ZBTB38: variants seen among roughly 807,000 people sequenced by gnomAD.
The protein encoded by ZBTB38 is zinc finger and BTB domain-containing protein 38.
ZBTB38 carries 20 observed loss-of-function variants against 76.8 expected under a neutral mutation model. The observed-to-expected ratio is 0.26, with a 90% CI of 0.18 to 0.38. The LOEUF is 0.38. Among genes scored for constraint, ZBTB38 ranks in the 10% least tolerant of loss-of-function variants. The probability of loss-of-function intolerance (pLI) is 1.00; values close to 1 mark genes in which losing one functional copy is unlikely to be tolerated. For missense variants in ZBTB38, 1,082 were observed against 1,482.3 expected, an observed-to-expected ratio of 0.73 and a Z score of 4.43; for synonymous variants, 504 against 544.2, an observed-to-expected ratio of 0.93 and a Z score of 1.03.
At chr3:141,428,519 C>G (rs7638775) in intron 5 of ZBTB38, among the ~76,000 whole-genome samples, 11,942 of 152,054 alleles carry the variant, frequency 0.079, 1,577 homozygotes, top group African/African-American at 0.27. Context: ...GAGTTTTGCT[C>G]TGTTGTCGCC....
intron 2 of ZBTB38, among the ~76,000 whole-genome samples, chr3:141,378,185 C>CAA (rs10662147): frequency 0.35 from 47,688 of 135,458 alleles, 8,540 homozygotes; most frequent in African/African-American, 0.43. Context: ...TCTCAACAAG[C>CAA]AAAAAAAAAA....
At chr3:141,372,925 A>G (rs1243628493) in intron 2 of ZBTB38, among the ~76,000 whole-genome samples, 1 of 152,224 alleles carries the variant, frequency 6.6e-6, no homozygotes, top group East Asian at 1.9e-4. Flanking sequence ...AGCACTAAGT[A>G]TGCAGTAGTT....
intron 1 of ZBTB38, among the ~76,000 whole-genome samples, chr3:141,343,580 T>A (rs1261230353): frequency 6.6e-6 from 1 of 152,192 alleles, no homozygotes; most frequent in Non-Finnish European, 1.5e-5. Flanking sequence ...AGGAGCTTTG[T>A]TTCCTGATCT....
chr3:141,394,966 A>C (rs1489641027), intron 4 of ZBTB38, among the ~76,000 whole-genome samples: 1 of 152,184 alleles, frequency 6.6e-6, no homozygotes, highest in Non-Finnish European at 1.5e-5. Flanking sequence ...CTTTTGACTA[A>C]AGCTGCCTTG....
In ZBTB38 at chr3:141,439,957, C is replaced by T. The variant is rs141880114; in HGVS notation, c.1-2432C>T. Among the ~76,000 whole-genome samples, 25 of 152,354 alleles carry T rather than the reference C, an allele frequency of 1.6e-4. No individual in the cohort carries two copies. The East Asian group carries it at 2.5e-3, about 15-fold the overall frequency. On this transcript the variant is annotated intron_variant, in intron 5 of 5. Coordinates refer to ENST00000321464, the MANE Select transcript of ZBTB38 (RefSeq NM_001376113.1). The stretch of plus-strand genomic sequence containing the variant: ...AACATCAGCAAAGTATGCTATTGAT[C>T]TGTGACCCAGTGAAGGACAGACTCC...
chr3:141,359,633 C>A (rs1430442022), intron 1 of ZBTB38, among the ~76,000 whole-genome samples: 1 of 151,978 alleles, frequency 6.6e-6, no homozygotes, highest in Non-Finnish European at 1.5e-5. Flanking sequence ...AAACAGTAAT[C>A]AATAAAAAGA....
chr3:141,402,986 G>C (rs550484261), intron 4 of ZBTB38: 1 of 152,384 alleles, frequency 6.6e-6, no homozygotes, highest in East Asian at 1.9e-4. Context: ...GCCCCCAGGG[G>C]TTTGCAGTCT....
intron 1 of ZBTB38, among the ~76,000 whole-genome samples, chr3:141,357,687 G>A (rs1035299500): frequency 6.6e-6 from 1 of 152,016 alleles, no homozygotes; most frequent in Non-Finnish European, 1.5e-5. Flanking sequence ...CCGCCACCAC[G>A]CCCTGCTAAT....
intron 5 of ZBTB38, among the ~76,000 whole-genome samples, chr3:141,418,572 G>C (rs1252606127): frequency 3.9e-5 from 6 of 152,108 alleles, no homozygotes; most frequent in African/African-American, 1.4e-4. Context: ...CTGAATGAGG[G>C]AAGAAATAAA....
intron 5 of ZBTB38, among the ~76,000 whole-genome samples, chr3:141,436,024 C>G (rs1023184277): frequency 6.6e-6 from 1 of 152,046 alleles, no homozygotes; most frequent in Non-Finnish European, 1.5e-5. Flanking sequence ...GTAAATTAAA[C>G]CTCATCTTCT....
intron 5 of ZBTB38, among the ~76,000 whole-genome samples, chr3:141,437,449 T>C (rs1209053520): frequency 1.3e-5 from 2 of 152,182 alleles, no homozygotes; most frequent in African/African-American, 4.8e-5. Flanking sequence ...CACATCTTAG[T>C]TCCCCTGCCA....
At chr3:141,405,925 A>G (rs1270610516) in intron 5 of ZBTB38, among the ~76,000 whole-genome samples, 3 of 152,252 alleles carry the variant, frequency 2.0e-5, no homozygotes, top group Non-Finnish European at 2.9e-5. Context: ...TATCCCTGGC[A>G]GTCAAGAGAC....
In ZBTB38 at chr3:141,356,424, C is replaced by T. The variant is rs138199004; in HGVS notation, c.-738-12197C>T. ...ATACAAAAGTGTTACAGGGCTGCTG[C>T]GGCTCTGTTTAGGAAAGACAGTAGG... On this transcript the variant is annotated intron_variant, in intron 1 of 7. Transcript: ENST00000509842. 1.6e-4 allele frequency among the ~76,000 whole-genome samples: 24 copies of T among 152,194 alleles called. No individual in the cohort carries two copies. The East Asian group carries it at 4.6e-3, about 29-fold the overall frequency.
At chr3:141,376,798 A>G (rs1015634373) in intron 2 of ZBTB38, among the ~76,000 whole-genome samples, 2 of 152,186 alleles carry the variant, frequency 1.3e-5, no homozygotes, top group African/African-American at 4.8e-5. Flanking sequence ...TAGGAGTTCC[A>G]TGGCATCCAG....
At position 141,434,262 on chromosome 3, in the gene ZBTB38, TGG is replaced by T. The variant is rs2078250535; in HGVS notation, c.1-8125_1-8124del. 4 of 938,352 alleles carry T rather than the reference TGG, an allele frequency of 4.3e-6. No individual in the cohort carries two copies. The African/African-American group carries it at 7.1e-5, about 17-fold the overall frequency. The allele number at this position is 938,352 out of a possible 1,614,324, so 58.1% of individuals were successfully genotyped here. A position where few individuals can be genotyped will look rare whatever the true frequency, so the allele number is the denominator to read the frequency against. On this transcript the variant is annotated intron_variant, in intron 5 of 5. Transcript: ENST00000321464. ...ATTGCCAGGTAGGGGAACTAGGGAC[TGG>T]GAGAGAAGGATAATCTTAAGAGGAA...
In ZBTB38 at chr3:141,445,586, C is replaced by T. The variant is rs775209652; in HGVS notation, c.3198C>T (p.Phe1066=). The part of the protein sequence containing the change: ...HERIHLGLKE[F]VCQYCNKAFT... ...GCATCCACCTGGGCTTGAAGGAGTT[C>T]GTCTGTCAGTATTGCAACAAGGCAT... The change falls in exon 6 of 6, where the codon TTC becomes TTT. Residue 1066 remains phenylalanine (F), a synonymous_variant. Transcript: ENST00000321464. The surrounding 1 kb of genome is among the most constrained non-coding windows in gnomAD (Gnocchi z 6.5). The T allele has an allele frequency of 8.7e-6, 14 of 1,614,046 alleles. No homozygotes were observed. Among genetic ancestry groups the T allele is most frequent in the South Asian group, 3.3e-5 (3 of 91,078 alleles).
intron 5 of ZBTB38, among the ~76,000 whole-genome samples, chr3:141,421,467 A>C (rs963027786): frequency 2.0e-5 from 3 of 151,950 alleles, no homozygotes; most frequent in African/African-American, 7.3e-5. Context: ...ATGAGATCTT[A>C]GGCTTTTCTG....
In ZBTB38 at chr3:141,443,556, G is replaced by A. The variant is rs769023986; in HGVS notation, c.1168G>A (p.Glu390Lys). Residue 390 changes from glutamate to lysine, a missense_variant, in exon 6 of 6, where the codon GAA becomes AAA. Transcript: ENST00000321464. The surrounding 1 kb of genome is among the most constrained non-coding windows in gnomAD (Gnocchi z 5.6). The part of the protein sequence containing the change: ...FTTLNRLDRH[E>K]QICMRSSHMP... ...CACCCTGAACAGGTTGGATCGGCAT[G>A]AACAGATCTGCATGAGGTCAAGCCA... is the stretch of plus-strand genomic sequence containing the variant. 6 of 1,614,072 alleles carry A rather than the reference G, an allele frequency of 3.7e-6. No homozygotes were observed. The highest frequency in any genetic ancestry group is 2.7e-5 in the African/African-American group (2 of 74,908).
upstream of ZBTB38, among the ~76,000 whole-genome samples, chr3:141,364,386 A>T (rs564003622): frequency 1.3e-5 from 2 of 149,996 alleles, no homozygotes; most frequent in African/African-American, 2.5e-5. Context: ...TGAAAACTTT[A>T]AAAAAAAAAT....
Sources: allele counts gnomAD v4.1 joint callset (sites outside exome capture counted in the v4.1 genomes callset), GRCh38; gene constraint gnomAD v4.1.1; non-coding constraint Gnocchi (gnomAD v3.1); transcripts MANE v1.5; gene names NCBI Gene and HGNC (gene_info 2026-07-23, HGNC 2026-07-21).